Variants in ADK observed in about 807,000 individuals in gnomAD.
ADK encodes adenosine kinase, also known as N6,N6-dimethyladenosine kinase.
ADK carries 24 observed loss-of-function variants against 44.7 expected under a neutral mutation model. That is an observed-to-expected ratio of 0.54 (90% CI 0.39 to 0.76). ADK has a LOEUF of 0.76. Ranked by LOEUF, ADK falls within the 30% of genes least tolerant of loss-of-function variation. ADK has a pLI of 0.00. For synonymous variants in ADK, 128 were observed against 142.6 expected (o/e 0.90, Z 0.73); for missense variants, 321 against 425.1 (o/e 0.76, Z 2.15).
At position 74,570,906 on chromosome 10, in the gene ADK, A is replaced by G. The variant is rs191613657; in HGVS notation, c.727-18376A>G. Among the ~76,000 whole-genome samples, 10 of 152,306 alleles carry G rather than the reference A, an allele frequency of 6.6e-5. No individual in the cohort carries two copies. The East Asian group carries it at 1.9e-3, about 29-fold the overall frequency. ...TGCTTCCAGTTTTTGCCCATTCAGTATGATACTGGCTATGGGTTTGTCATA... is the reference window on the plus strand; with the variant it reads ...TGCTTCCAGTTTTTGCCCATTCAGTGTGATACTGGCTATGGGTTTGTCATA... On this transcript the variant is annotated intron_variant, in intron 7 of 10. Transcript: ENST00000539909.
intron 4 of ADK, among the ~76,000 whole-genome samples, chr10:74,335,577 G>A (rs543707471): frequency 1.2e-4 from 19 of 152,216 alleles, no homozygotes; most frequent in East Asian, 3.9e-4. Context: ...ACGTTTTTGT[G>A]TTAACATAAA....
chr10:74,471,647 C>T (rs192277801), intron 6 of ADK, among the ~76,000 whole-genome samples: 10 of 152,138 alleles, frequency 6.6e-5, no homozygotes, highest in Admixed American at 1.3e-4. Flanking sequence ...GAACACAGGA[C>T]GTCTTTTCAT....
At chr10:74,495,127 A>T (rs1262510609) in intron 6 of ADK, among the ~76,000 whole-genome samples, 1 of 152,032 alleles carries the variant, frequency 6.6e-6, no homozygotes, top group Non-Finnish European at 1.5e-5. Flanking sequence ...CTGGTTTTCT[A>T]AAGTTTCATG....
At chr10:74,365,807 T>A (rs1842480348) in intron 4 of ADK, among the ~76,000 whole-genome samples, 1 of 152,182 alleles carries the variant, frequency 6.6e-6, no homozygotes, top group Admixed American at 6.5e-5. Context: ...ACATCTACAA[T>A]AAGATAAATT....
intron 7 of ADK, among the ~76,000 whole-genome samples, chr10:74,541,784 A>AC (rs201973153): frequency 1.9e-4 from 8 of 42,984 alleles, no homozygotes; most frequent in Admixed American, 7.3e-4. Flanking sequence ...CAGAACGAGA[A>AC]CCCCCACACA....
At chr10:74,445,883 G>A (rs1336810811) in intron 6 of ADK, among the ~76,000 whole-genome samples, 1 of 152,002 alleles carries the variant, frequency 6.6e-6, no homozygotes, top group Non-Finnish European at 1.5e-5. Context: ...TTGAATTTCT[G>A]TCATGAATCT....
intron 3 of ADK, among the ~76,000 whole-genome samples, chr10:74,280,531 A>G (rs1846896593): frequency 6.6e-6 from 1 of 152,118 alleles, no homozygotes; most frequent in Admixed American, 6.6e-5. Flanking sequence ...TTGGCCTTCC[A>G]GATAGTTTGG....
chr10:74,585,393 A>G (rs1235532882), intron 7 of ADK, among the ~76,000 whole-genome samples: 3 of 152,218 alleles, frequency 2.0e-5, no homozygotes, highest in Admixed American at 2.0e-4. Context: ...GTATTATAGC[A>G]TAGACAACAA....
intron 9 of ADK, among the ~76,000 whole-genome samples, chr10:74,626,460 C>T (rs1853208913): frequency 6.6e-6 from 1 of 151,992 alleles, no homozygotes; most frequent in Non-Finnish European, 1.5e-5. Context: ...TGTCACCATG[C>T]CTGGCTAATT....
At chr10:74,153,195 A>G (rs569547148) in intron 1 of ADK, among the ~76,000 whole-genome samples, 2 of 152,346 alleles carry the variant, frequency 1.3e-5, no homozygotes, top group East Asian at 3.8e-4. Context: ...ATTTAGATTT[A>G]GGGATTTGTG....
At chr10:74,702,774 T>C (rs550469973) in intron 10 of ADK, among the ~76,000 whole-genome samples, 1 of 151,988 alleles carries the variant, frequency 6.6e-6, no homozygotes, top group Non-Finnish European at 1.5e-5. Context: ...AATTTTTGTA[T>C]TTTTAGTAGA....
At chr10:74,467,656 C>A (rs1483492609) in intron 6 of ADK, among the ~76,000 whole-genome samples, 1 of 151,780 alleles carries the variant, frequency 6.6e-6, no homozygotes, top group Non-Finnish European at 1.5e-5. Context: ...TAAATCTATT[C>A]AGTTTATCTC....
chr10:74,683,954 T>A (rs1281969815), intron 10 of ADK, among the ~76,000 whole-genome samples: 1 of 152,214 alleles, frequency 6.6e-6, no homozygotes, highest in African/African-American at 2.4e-5. Context: ...TTCAAGTAGC[T>A]GTTACAGAAC....
At chr10:74,216,271 AAT>A (rs1484391978) in intron 2 of ADK, among the ~76,000 whole-genome samples, 1 of 152,190 alleles carries the variant, frequency 6.6e-6, no homozygotes, top group Non-Finnish European at 1.5e-5. Flanking sequence ...TAAATTTTAA[AAT>A]ATCTCTTAGT....
intron 4 of ADK, among the ~76,000 whole-genome samples, chr10:74,335,106 C>T (rs979718304): frequency 1.3e-5 from 2 of 152,154 alleles, no homozygotes; most frequent in Admixed American, 6.5e-5. Flanking sequence ...GGCAATGATG[C>T]AACCCTCACA....
intron 3 of ADK, among the ~76,000 whole-genome samples, chr10:74,278,385 AAC>A (rs1331659877): frequency 6.2e-4 from 91 of 147,324 alleles, no homozygotes; most frequent in Middle Eastern, 3.6e-3. Context: ...AAAAAAAAAA[AAC>A]AACCCTAAAA....
chr10:74,359,365 T>G (rs1174380701), intron 4 of ADK, among the ~76,000 whole-genome samples: 1 of 152,142 alleles, frequency 6.6e-6, no homozygotes, highest in African/African-American at 2.4e-5. Flanking sequence ...ATGCCTTTGG[T>G]ATTTTCATAG....
intron 6 of ADK, among the ~76,000 whole-genome samples, chr10:74,445,101 C>G (rs1208022742): frequency 2.0e-5 from 3 of 151,916 alleles, no homozygotes; most frequent in Non-Finnish European, 4.4e-5. Flanking sequence ...TAATTCATTA[C>G]ATGCACACTT....
chr10:74,399,085 G>T (rs1167706531), intron 6 of ADK, among the ~76,000 whole-genome samples: 1 of 151,582 alleles, frequency 6.6e-6, no homozygotes, highest in Non-Finnish European at 1.5e-5. Context: ...TGGGAACAAG[G>T]GCAGGGTGTA....
Sources: allele counts gnomAD v4.1 joint callset (sites outside exome capture counted in the v4.1 genomes callset), GRCh38; gene constraint gnomAD v4.1.1; transcripts MANE v1.5; gene names NCBI Gene and HGNC (gene_info 2026-07-23, HGNC 2026-07-21).